Variants in OTOG observed in about 807,000 individuals in gnomAD.
The protein encoded by OTOG is otogelin.
A neutral mutation model predicts 313.8 loss-of-function variants in OTOG; 296 were observed. The observed-to-expected ratio is 0.94, with a 90% CI of 0.86 to 1.04. OTOG has a LOEUF of 1.04. Among genes scored for constraint, OTOG ranks in the 50% least tolerant of loss-of-function variants. The probability of loss-of-function intolerance (pLI) is 0.00; values close to 1 mark genes in which losing one functional copy is unlikely to be tolerated. For synonymous variants in OTOG, 1,533 were observed against 1,554.9 expected, an observed-to-expected ratio of 0.99 and a Z score of 0.33; for missense variants, 3,948 against 3,840.1, an observed-to-expected ratio of 1.03 and a Z score of -0.74.
intron 15 of OTOG, among the ~76,000 whole-genome samples, chr11:17,563,006 C>T (rs75608560): frequency 0.025 from 3,838 of 152,178 alleles, 156 homozygotes; most frequent in African/African-American, 0.087. Context: ...TGGATCTCTA[C>T]GGGGGAACTT....
At chr11:17,644,080 G>A (rs1031572077) in intron 54 of OTOG, among the ~76,000 whole-genome samples, 4 of 152,366 alleles carry the variant, frequency 2.6e-5, no homozygotes, top group African/African-American at 9.6e-5. Flanking sequence ...CAAGGGAGGG[G>A]GAGGGCCCCT....
chr11:17,638,704 T>A, intron 48 of OTOG, 155 bp downstream of exon 48: 2 of 1,529,172 alleles, frequency 1.3e-6, no homozygotes, highest in Non-Finnish European at 1.8e-6. Context: ...TCCTTCTGCA[T>A]CCGCACTCCA....
rs1239740724 is a variant in OTOG, at chr11:17,610,908, G to A, written c.5608G>A (p.Ala1870Thr). 2.6e-6 allele frequency: 4 copies of A among 1,550,444 alleles called. No homozygotes were observed. The African/African-American group carries it at 4.1e-5, about 16-fold the overall frequency. The change falls in exon 36 of 56, where the codon GCA becomes ACA. Residue 1870 changes from alanine (A) to threonine (T), a missense_variant. Coordinates refer to ENST00000399397, the MANE Select transcript of OTOG (RefSeq NM_001292063.2). Reference sequence around the variant, plus strand: ...ACCCACTCACATAGCACCCCCAGCAGCAGGCACAGCTCCAGGCCTGCTGCT... The same window carrying A: ...ACCCACTCACATAGCACCCCCAGCAACAGGCACAGCTCCAGGCCTGCTGCT... ...HPPTHIAPPA[A>T]GTAPGLLLGA...
chr11:17,555,005 CTT>C (rs1461400147), intron 6 of OTOG, among the ~76,000 whole-genome samples: 1 of 152,192 alleles, frequency 6.6e-6, no homozygotes, highest in African/African-American at 2.4e-5. Flanking sequence ...CATGGGGTAG[CTT>C]TCACAGTTCC....
chr11:17,602,320 C>A lies in OTOG; in HGVS notation c.3820C>A (p.Pro1274Thr), dbSNP rs1853275767. The change falls in exon 32 of 56, where the codon CCA (proline) becomes ACA (threonine). Residue 1274 changes from proline to threonine, a missense_variant. Physicochemically the swap from Pro to Thr is conservative, Grantham distance 38 (BLOSUM62 -1). Coordinates refer to ENST00000399397, the MANE Select transcript of OTOG (RefSeq NM_001292063.2). ...IVLVRTEDVA[P>T]ADIVSFLLTA... is the part of the protein sequence containing the mutation. ...CCTAGTGAGGACAGAGGATGTGGCG[C>A]CAGCAGACATTGTGAGCTTCCTGCT... 6.4e-7 allele frequency: 1 copy of A among 1,550,448 alleles called. No homozygotes were observed. Among genetic ancestry groups the A allele is most frequent in the South Asian group, 1.2e-5 (1 of 84,060 alleles).
chr11:17,608,000 G>A (rs1388547493), intron 33 of OTOG, among the ~76,000 whole-genome samples: 3 of 152,092 alleles, frequency 2.0e-5, no homozygotes, highest in Non-Finnish European at 2.9e-5. Flanking sequence ...GTCACCCTTC[G>A]AAACCTCACT....
chr11:17,608,790 G>A (rs1287493744), intron 34 of OTOG, among the ~76,000 whole-genome samples: 2 of 152,220 alleles, frequency 1.3e-5, no homozygotes, highest in African/African-American at 4.8e-5. Flanking sequence ...TGCAGGGTTG[G>A]AGGGGGTACA....
chr11:17,595,971 G>C, intron 28 of OTOG, 67 bp from the exon 29 acceptor site: 1 of 1,116,654 alleles, frequency 9.0e-7, no homozygotes, highest in East Asian at 2.6e-5. Flanking sequence ...CCTAAAATCT[G>C]TCTGTCATGT....
At chr11:17,549,334 G>A (rs12273745) in intron 3 of OTOG, among the ~76,000 whole-genome samples, 1 of 152,336 alleles carries the variant, frequency 6.6e-6, no homozygotes, top group Non-Finnish European at 1.5e-5. Flanking sequence ...GTTTATGACA[G>A]CAATGAGTCC....
At position 17,615,926 on chromosome 11, in the gene OTOG, C is replaced by CA. The variant is rs764503106; in HGVS notation, c.6528+2236dup. 2.0e-3 allele frequency among the ~76,000 whole-genome samples: 297 copies of CA among 146,386 alleles called. 2 individuals carry two copies. Among genetic ancestry groups the CA allele is most frequent in the South Asian group, 0.011 (53 of 4,614 alleles). ...CTGGGCAACAAGAGTGAAACTGTCTCAAAAAAAAAAATTAATGTTTGGGAT... is the reference window on the plus strand; with the variant it reads ...CTGGGCAACAAGAGTGAAACTGTCTCAAAAAAAAAAAATTAATGTTTGGGAT... On this transcript the variant is annotated intron_variant, in intron 39 of 55. Transcript: ENST00000399397.
At chr11:17,560,645 G>A (rs1198391954) in intron 12 of OTOG, 64 bp from the exon 13 acceptor site, 20 of 1,189,884 alleles carry the variant, frequency 1.7e-5, no homozygotes, top group Non-Finnish European at 1.7e-5. Flanking sequence ...AGGCCCTGGG[G>A]AGCCACGAAT....
chr11:17,548,416 C>CTTTTTTTTTTTTTTT (rs1565085438), intron 3 of OTOG, among the ~76,000 whole-genome samples: 2 of 89,600 alleles, frequency 2.2e-5, no homozygotes, highest in African/African-American at 8.8e-5. Context: ...CTATAGTCCA[C>CTTTTTTTTTTTTTTT]TCTTTTTTTT....
chr11:17,582,237 C>T (rs1371914467), intron 23 of OTOG, among the ~76,000 whole-genome samples: 18 of 152,058 alleles, frequency 1.2e-4, no homozygotes, highest in East Asian at 1.9e-4. Flanking sequence ...AAACACTGGC[C>T]GGCTTTTTGT....
At chr11:17,577,632 G>A (rs1437039331) in intron 22 of OTOG, among the ~76,000 whole-genome samples, 1 of 152,070 alleles carries the variant, frequency 6.6e-6, no homozygotes, top group Non-Finnish European at 1.5e-5. Flanking sequence ...CTAGTTTCCT[G>A]CATCCTCCCC....
At chr11:17,635,772 A>G in intron 47 of OTOG, 61 bp downstream of exon 47, 1 of 1,372,344 alleles carries the variant, frequency 7.3e-7, no homozygotes, top group Admixed American at 2.0e-5. Flanking sequence ...CAGAGTTCCC[A>G]CCCCGGACCA....
chr11:17,569,093 C>T lies in OTOG; in HGVS notation c.1645-63C>T, dbSNP rs16934402. On this transcript the variant is annotated intron_variant, in intron 15 of 55. Transcript: ENST00000399397. ...GGCTGGGGTCTCTGTCCCTAGAGGGCTCTGTTGTATCCAGCAGGAGGGTCA... is the reference window on the plus strand; with the variant it reads ...GGCTGGGGTCTCTGTCCCTAGAGGGTTCTGTTGTATCCAGCAGGAGGGTCA... 19,038 of 1,537,812 alleles carry T rather than the reference C, an allele frequency of 0.012. 382 individuals carry two copies. Among genetic ancestry groups the T allele is most frequent in the East Asian group, 0.086 (3,518 of 40,804 alleles).
Position 17,612,670 on chromosome 11 carries a change from C to T in OTOG, c.6343C>T (p.His2115Tyr). The part of the protein sequence containing the change: ...DLSFVTFDGS[H>Y]VALFKEAIYI... The stretch of plus-strand genomic sequence containing the variant: ...GAGCTTCGTGACCTTCGATGGGAGC[C>T]ACGTAGCTCTGTTCAAGGAGGCCAT... Residue 2115 changes from histidine (H) to tyrosine (Y), a missense_variant, in exon 38 of 56, where the codon CAC becomes TAC. Transcript: ENST00000399397. 1 of 1,550,590 alleles carries T rather than the reference C, an allele frequency of 6.4e-7. No individual in the cohort carries two copies. The highest frequency in any genetic ancestry group is 1.2e-5 in the South Asian group (1 of 84,062).
chr11:17,560,124 T>G (rs1852150738), intron 12 of OTOG, among the ~76,000 whole-genome samples: 1 of 152,236 alleles, frequency 6.6e-6, no homozygotes, highest in Non-Finnish European at 1.5e-5. Context: ...ACACATACAT[T>G]TGTTTAAGCA....
At chr11:17,619,388 T>G (rs1199186999) in intron 39 of OTOG, among the ~76,000 whole-genome samples, 2 of 152,220 alleles carry the variant, frequency 1.3e-5, no homozygotes, top group Non-Finnish European at 2.9e-5. Flanking sequence ...GTTTATACCA[T>G]TTATGTTTAA....
Sources: gnomAD v4.1 joint callset for allele counts (sites outside exome capture counted in the v4.1 genomes callset) on GRCh38, gnomAD v4.1.1 for gene constraint, MANE v1.5 for transcripts, NCBI Gene and HGNC (gene_info 2026-07-23, HGNC 2026-07-21) for gene names.